Variants in RIN3 observed in about 807,000 individuals in gnomAD.
RIN3 encodes RAB5 interacting protein 3.
In RIN3, 54 loss-of-function variants were observed where a neutral mutation model predicts 76.3. The ratio of observed to expected loss-of-function variants is 0.71; its 90% CI spans 0.57 to 0.89. The LOEUF (loss-of-function observed/expected upper bound fraction) is 0.89, where lower values mean the gene tolerates loss of function less well. Among genes scored for constraint, RIN3 ranks in the 40% least tolerant of loss-of-function variants. The pLI, the probability that RIN3 is intolerant of heterozygous loss-of-function variation, is 0.00. For synonymous variants in RIN3, 576 were observed against 564.0 expected, an observed-to-expected ratio of 1.02 and a Z score of -0.30; for missense variants, 1,256 against 1,322.1, an observed-to-expected ratio of 0.95 and a Z score of 0.78.
chr14:92,584,836 G>C (rs769253601), intron 3 of RIN3, among the ~76,000 whole-genome samples: 12 of 152,242 alleles, frequency 7.9e-5, no homozygotes, highest in Middle Eastern at 6.8e-3. Flanking sequence ...CTTTCTGCTG[G>C]CTGCTCTAAA....
chr14:92,611,690 C>T (rs192532490), intron 3 of RIN3, among the ~76,000 whole-genome samples: 114 of 152,300 alleles, frequency 7.5e-4, no homozygotes, highest in African/African-American at 1.1e-3. Context: ...GAGATTCACA[C>T]GTATTCACAT....
At position 92,613,630 on chromosome 14, in the gene RIN3, C is replaced by T. The variant is rs575895284; in HGVS notation, c.368-1777C>T. 1.3e-3 allele frequency among the ~76,000 whole-genome samples: 197 copies of T among 152,270 alleles called. 1 individual carries two copies. Among genetic ancestry groups the T allele is most frequent in the Non-Finnish European group, 2.4e-3 (161 of 68,028 alleles). On this transcript the variant is annotated intron_variant, in intron 3 of 9. Coordinates refer to ENST00000216487, the MANE Select transcript of RIN3 (RefSeq NM_024832.5). The stretch of plus-strand genomic sequence containing the variant: ...CAGTCCTGGGCTTTGAAAACAGGTC[C>T]GCAAACTGATGTCACCTATGTGCGT...
At chr14:92,631,466 G>A (rs771891553) in intron 4 of RIN3, among the ~76,000 whole-genome samples, 4 of 152,208 alleles carry the variant, frequency 2.6e-5, no homozygotes, top group Admixed American at 6.5e-5. Context: ...GTGGACTGGC[G>A]TAAGGGCTCT....
At chr14:92,669,373 G>A (rs1185861209) in intron 7 of RIN3, among the ~76,000 whole-genome samples, 6 of 152,198 alleles carry the variant, frequency 3.9e-5, no homozygotes, top group Non-Finnish European at 8.8e-5. Context: ...GGGTGGTCAG[G>A]GAAGGCCTCT....
intron 1 of RIN3, among the ~76,000 whole-genome samples, chr14:92,528,519 C>A (rs1896805613): frequency 1.3e-5 from 2 of 152,050 alleles, no homozygotes; most frequent in Admixed American, 6.5e-5. Context: ...TTCTGAAGGG[C>A]CCTGGTTCCA....
At chr14:92,642,327 C>A (rs1433635170) in intron 5 of RIN3, among the ~76,000 whole-genome samples, 1 of 151,980 alleles carries the variant, frequency 6.6e-6, no homozygotes, top group Non-Finnish European at 1.5e-5. Context: ...AAACTCCTGG[C>A]CTCAAGCGAT....
At chr14:92,666,349 T>C (rs1888104834) in intron 7 of RIN3, among the ~76,000 whole-genome samples, 1 of 152,220 alleles carries the variant, frequency 6.6e-6, no homozygotes, top group Admixed American at 6.5e-5. Flanking sequence ...CCATGCTATC[T>C]TCTCCAGAAA....
chr14:92,545,264 C>T (rs983103010), intron 1 of RIN3, among the ~76,000 whole-genome samples: 2 of 151,980 alleles, frequency 1.3e-5, no homozygotes, highest in Non-Finnish European at 1.5e-5. Flanking sequence ...CACCTGCCAC[C>T]ACGCCTGGCT....
chr14:92,650,392 C>T (rs1447607426), intron 5 of RIN3, among the ~76,000 whole-genome samples: 1 of 152,208 alleles, frequency 6.6e-6, no homozygotes, highest in Non-Finnish European at 1.5e-5. Flanking sequence ...GGCAAGATAA[C>T]CCAGGTAAAG....
At chr14:92,583,370 G>C (rs559253628) in intron 3 of RIN3, among the ~76,000 whole-genome samples, 1 of 152,344 alleles carries the variant, frequency 6.6e-6, no homozygotes, top group Admixed American at 6.5e-5. Context: ...TTCTTGTTAA[G>C]TGTTTCCTTG....
chr14:92,536,812 C>A (rs1056417292), intron 1 of RIN3, among the ~76,000 whole-genome samples: 30 of 151,628 alleles, frequency 2.0e-4, no homozygotes, highest in Non-Finnish European at 3.2e-4. Flanking sequence ...AATTCTGTAG[C>A]CCTACTGACT....
At position 92,651,889 on chromosome 14, in the gene RIN3, A is replaced by ACCCCCCCCC; in HGVS notation, c.842_843insCCCCCCCCC (p.Pro283_Pro285dup). ...CCTCCAGGTGGGCCCCACGCCGCCC[A>ACCCCCCCCC]CCACCCCCTCCCCCAGTGCTGCCCC... On this transcript the variant is annotated inframe_insertion, in exon 6 of 10. Coordinates refer to ENST00000216487, the MANE Select transcript of RIN3 (RefSeq NM_024832.5). 7 of 955,572 alleles carry ACCCCCCCCC rather than the reference A, an allele frequency of 7.3e-6. No individual in the cohort carries two copies. The highest frequency in any genetic ancestry group is 1.8e-5 in the South Asian group (1 of 55,450). 59.2% of individuals were successfully genotyped at this position (955,572 alleles called of 1,614,324 possible). A position where few individuals can be genotyped will look rare whatever the true frequency, so the allele number is the denominator to read the frequency against.
intron 1 of RIN3, among the ~76,000 whole-genome samples, chr14:92,546,731 C>A (rs1355942510): frequency 6.6e-6 from 1 of 152,066 alleles, no homozygotes; most frequent in Non-Finnish European, 1.5e-5. Context: ...CCGCCCCCAG[C>A]CTCAGACCAT....
intron 7 of RIN3, among the ~76,000 whole-genome samples, chr14:92,668,263 G>A (rs1383359852): frequency 6.6e-6 from 1 of 152,168 alleles, no homozygotes; most frequent in Non-Finnish European, 1.5e-5. Context: ...GGGCCCTCTG[G>A]CCTCTCCAGC....
intron 4 of RIN3, 120 bp from the exon 5 acceptor site, chr14:92,641,118 G>A: frequency 1.4e-6 from 1 of 734,398 alleles, no homozygotes; most frequent in Non-Finnish European, 2.4e-6. Context: ...CTCCAGGGAA[G>A]CTTCCAGGCT....
At chr14:92,640,760 G>A (rs1749943597) in intron 4 of RIN3, among the ~76,000 whole-genome samples, 1 of 150,214 alleles carries the variant, frequency 6.7e-6, no homozygotes, top group Non-Finnish European at 1.5e-5. Flanking sequence ...GCCTGACTGT[G>A]TGTTCATCGG....
intron 3 of RIN3, among the ~76,000 whole-genome samples, chr14:92,607,611 A>G (rs1566865367): frequency 6.6e-6 from 1 of 152,218 alleles, no homozygotes; most frequent in African/African-American, 2.4e-5. Context: ...CCCTTCCCCA[A>G]AAAAGGATGG....
chr14:92,591,587 G>A (rs1374164778), intron 3 of RIN3, among the ~76,000 whole-genome samples: 1 of 151,972 alleles, frequency 6.6e-6, no homozygotes. Context: ...AAAAGCCAGA[G>A]GGGGGAGAAA....
At chr14:92,616,959 T>C (rs867325923) in intron 4 of RIN3, among the ~76,000 whole-genome samples, 1 of 152,196 alleles carries the variant, frequency 6.6e-6, no homozygotes, top group Non-Finnish European at 1.5e-5. Context: ...TGTTGGGGCC[T>C]AGTGCATGAG....
Sources: allele counts gnomAD v4.1 joint callset (sites outside exome capture counted in the v4.1 genomes callset), GRCh38; gene constraint gnomAD v4.1.1; transcripts MANE v1.5; gene names NCBI Gene and HGNC (gene_info 2026-07-23, HGNC 2026-07-21).